The following EBF1 variants were observed in gnomAD, a reference collection of about 807,000 sequenced individuals.
The protein encoded by EBF1 is EBF transcription factor 1.
In EBF1, 10 loss-of-function variants were observed where a neutral mutation model predicts 68.4. The observed-to-expected ratio is 0.15, with a 90% confidence interval of 0.09 to 0.25. EBF1 has a LOEUF of 0.25. EBF1 is among the 10% of genes least tolerant of loss of function. EBF1 has a pLI of 1.00. For missense variants in EBF1, 509 were observed against 794.4 expected, an observed-to-expected ratio of 0.64 and a Z score of 4.32; for synonymous variants, 298 against 299.8, an observed-to-expected ratio of 0.99 and a Z score of 0.06.
intron 6 of EBF1, among the ~76,000 whole-genome samples, chr5:158,871,754 A>G (rs1051025130): frequency 4.6e-5 from 7 of 152,224 alleles, no homozygotes; most frequent in African/African-American, 4.8e-5. Context: ...GATTTGCTCA[A>G]TGACGCACAG....
chr5:158,978,295 C>T (rs1265667885), intron 6 of EBF1, among the ~76,000 whole-genome samples: 2 of 152,234 alleles, frequency 1.3e-5, no homozygotes, highest in African/African-American at 4.8e-5. Flanking sequence ...ATCAATAGGC[C>T]CTGTCAGTCA....
chr5:158,957,562 C>G (rs1346699699), intron 6 of EBF1, among the ~76,000 whole-genome samples: 1 of 152,110 alleles, frequency 6.6e-6, no homozygotes, highest in African/African-American at 2.4e-5. Flanking sequence ...AATCAAGGTT[C>G]AAGAAAAAAA....
intron 6 of EBF1, among the ~76,000 whole-genome samples, chr5:158,995,282 A>G (rs1396888602): frequency 6.6e-6 from 1 of 152,178 alleles, no homozygotes; most frequent in Non-Finnish European, 1.5e-5. Context: ...GAACCTAAGT[A>G]TTGGTGGTGT....
intron 6 of EBF1, among the ~76,000 whole-genome samples, chr5:158,960,143 C>A (rs1407546575): frequency 6.6e-6 from 1 of 152,142 alleles, no homozygotes; most frequent in East Asian, 1.9e-4. Context: ...ATTTACCAAT[C>A]AGCATGGAAG....
At chr5:158,878,696 T>G (rs1311507591) in intron 6 of EBF1, among the ~76,000 whole-genome samples, 21 of 148,486 alleles carry the variant, frequency 1.4e-4, no homozygotes, top group Non-Finnish European at 1.5e-5. Flanking sequence ...CAGGCTGGAG[T>G]GCAGTGGAAT....
chr5:158,723,629 CTA>C (rs1762383395), intron 11 of EBF1, among the ~76,000 whole-genome samples: 1 of 152,014 alleles, frequency 6.6e-6, no homozygotes, highest in Admixed American at 6.6e-5. Flanking sequence ...ATAAAAGACT[CTA>C]AATGGATTAC....
chr5:158,903,978 G>C (rs912271542), intron 6 of EBF1, among the ~76,000 whole-genome samples: 1 of 152,108 alleles, frequency 6.6e-6, no homozygotes, highest in Non-Finnish European at 1.5e-5. Context: ...CTAGGGGGTG[G>C]AGGGTACAAA....
intron 6 of EBF1, among the ~76,000 whole-genome samples, chr5:159,065,590 T>A (rs1308862019): frequency 1.3e-5 from 2 of 152,014 alleles, no homozygotes; most frequent in Admixed American, 1.3e-4. Flanking sequence ...TTAAGTTAAT[T>A]GAGCAGCAAA....
At chr5:158,941,238 G>C in intron 6 of EBF1, 1 of 456,020 alleles carries the variant, frequency 2.2e-6, no homozygotes, top group Non-Finnish European at 4.4e-6. Context: ...GAATGATAAT[G>C]TGAGGGGTTA....
chr5:158,818,484 G>A (rs1388643596), intron 8 of EBF1, among the ~76,000 whole-genome samples: 1 of 152,128 alleles, frequency 6.6e-6, no homozygotes, highest in African/African-American at 2.4e-5. Context: ...ATGTGACACT[G>A]CAACCAAAAG....
intron 6 of EBF1, among the ~76,000 whole-genome samples, chr5:158,895,214 C>T (rs1801934744): frequency 6.6e-6 from 1 of 152,100 alleles, no homozygotes; most frequent in South Asian, 2.1e-4. Context: ...ATTGAGCATT[C>T]ATTATGCACA....
intron 6 of EBF1, among the ~76,000 whole-genome samples, chr5:158,998,348 G>A (rs954575355): frequency 3.3e-5 from 5 of 151,942 alleles, no homozygotes; most frequent in African/African-American, 9.7e-5. Flanking sequence ...CCCCTACTCC[G>A]CAAGCTCTAG....
At chr5:158,770,211 C>T (rs916688612) in intron 10 of EBF1, among the ~76,000 whole-genome samples, 80 of 151,922 alleles carry the variant, frequency 5.3e-4, no homozygotes, top group Admixed American at 5.1e-3. Flanking sequence ...AGCTTTAACC[C>T]CTCTGTCTCC....
At chr5:159,087,119 A>G (rs1780776597) in intron 4 of EBF1, among the ~76,000 whole-genome samples, 1 of 151,786 alleles carries the variant, frequency 6.6e-6, no homozygotes. Context: ...AAATACTCGT[A>G]ATAATCTCTG....
At chr5:158,830,904 G>A (rs1244325627) in intron 7 of EBF1, among the ~76,000 whole-genome samples, 4 of 152,138 alleles carry the variant, frequency 2.6e-5, no homozygotes, top group South Asian at 2.1e-4. Flanking sequence ...AATTACATTC[G>A]CACTTTAAGG....
intron 6 of EBF1, among the ~76,000 whole-genome samples, chr5:159,063,066 A>G (rs980851518): frequency 6.6e-6 from 1 of 152,216 alleles, no homozygotes; most frequent in Non-Finnish European, 1.5e-5. Context: ...AGATGAGACC[A>G]CCAGATTCAA....
intron 6 of EBF1, among the ~76,000 whole-genome samples, chr5:158,933,625 G>T (rs141633512): frequency 6.6e-6 from 1 of 152,198 alleles, no homozygotes; most frequent in East Asian, 1.9e-4. Flanking sequence ...ACCAGGACTT[G>T]CATCTTTGTC....
At chr5:158,805,264 T>C (rs1430702497) in intron 8 of EBF1, among the ~76,000 whole-genome samples, 4 of 152,048 alleles carry the variant, frequency 2.6e-5, no homozygotes. Flanking sequence ...GCCTGGAAAA[T>C]CATAAAGCCA....
intron 6 of EBF1, among the ~76,000 whole-genome samples, chr5:159,059,548 A>T (rs1318388473): frequency 6.6e-6 from 1 of 152,352 alleles, no homozygotes; most frequent in Non-Finnish European, 1.5e-5. Flanking sequence ...TTATTCCAGT[A>T]TGCATTTGAG....
Sources: allele counts gnomAD v4.1 joint callset (sites outside exome capture counted in the v4.1 genomes callset), GRCh38; gene constraint gnomAD v4.1.1; transcripts MANE v1.5; gene names NCBI Gene and HGNC (gene_info 2026-07-23, HGNC 2026-07-21).